The following HPSE2 variants were observed in gnomAD, a reference collection of about 807,000 sequenced individuals.
HPSE2 encodes the protein inactive heparanase-2.
A neutral mutation model predicts 60.5 loss-of-function variants in HPSE2; 38 were observed. That is an observed-to-expected ratio of 0.63 (90% CI 0.48 to 0.82). HPSE2 has a LOEUF of 0.82. HPSE2 is among the 40% of genes least tolerant of loss of function. The pLI is 0.00. For missense variants in HPSE2, 713 were observed against 740.4 expected (o/e 0.96, Z 0.43); for synonymous variants, 295 against 293.2 (o/e 1.01, Z -0.06).
At chr10:98,628,311 A>T (rs1335885698) in intron 7 of HPSE2, among the ~76,000 whole-genome samples, 1 of 152,106 alleles carries the variant, frequency 6.6e-6, no homozygotes. Context: ...GGAGAGAAAA[A>T]AATTAGGAGA....
At chr10:99,171,107 AAT>A (rs142446077) in intron 2 of HPSE2, among the ~76,000 whole-genome samples, 109 of 152,310 alleles carry the variant, frequency 7.2e-4, no homozygotes, top group African/African-American at 2.6e-3. Context: ...CCAAGGGACA[AAT>A]ATAATCATAA....
chr10:98,618,564 G>A (rs1323772706), intron 8 of HPSE2, among the ~76,000 whole-genome samples: 1 of 152,066 alleles, frequency 6.6e-6, no homozygotes, highest in Non-Finnish European at 1.5e-5. Context: ...GAGAGTGGGA[G>A]TGTACTTTTG....
intron 3 of HPSE2, among the ~76,000 whole-genome samples, chr10:98,916,696 G>C (rs1281202230): frequency 6.6e-6 from 1 of 152,160 alleles, no homozygotes; most frequent in Non-Finnish European, 1.5e-5. Context: ...AACAAACTTT[G>C]TTTCTTGATT....
At chr10:99,288,363 T>C in the HPSE2 span, among the ~76,000 whole-genome samples, 3 of 152,284 alleles carry the variant, frequency 2.0e-5, no homozygotes, top group East Asian at 1.9e-4. Flanking sequence ...ATGTACATGA[T>C]ACAAAAGACT....
intron 3 of HPSE2, among the ~76,000 whole-genome samples, chr10:98,913,018 C>T (rs894806342): frequency 3.5e-4 from 54 of 152,166 alleles, no homozygotes; most frequent in African/African-American, 1.2e-3. Flanking sequence ...GCATTGCATG[C>T]CTATACCTAA....
At chr10:98,682,407 A>G (rs1167347366) in intron 6 of HPSE2, among the ~76,000 whole-genome samples, 1 of 152,220 alleles carries the variant, frequency 6.6e-6, no homozygotes, top group African/African-American at 2.4e-5. Context: ...TTATGGCAAT[A>G]TAAGAACAGC....
At chr10:98,505,910 T>C (rs1371478046) in intron 9 of HPSE2, among the ~76,000 whole-genome samples, 2 of 152,292 alleles carry the variant, frequency 1.3e-5, no homozygotes, top group African/African-American at 4.8e-5. Flanking sequence ...CTGTTTTAAT[T>C]ACCATTGTTT....
intron 2 of HPSE2, among the ~76,000 whole-genome samples, chr10:99,153,371 A>G (rs924248002): frequency 1.3e-5 from 2 of 152,208 alleles, no homozygotes; most frequent in Admixed American, 6.5e-5. Flanking sequence ...CTTTGAAGAG[A>G]GCACTGGTTC....
chr10:98,852,153 G>GTA (rs1565210253), intron 3 of HPSE2, among the ~76,000 whole-genome samples: 2 of 131,004 alleles, frequency 1.5e-5, no homozygotes, highest in African/African-American at 6.8e-5. Flanking sequence ...GTGTGTGTGT[G>GTA]TGTGTGTGTG....
chr10:98,986,262 T>C (rs1462048181), intron 3 of HPSE2, among the ~76,000 whole-genome samples: 1 of 151,990 alleles, frequency 6.6e-6, no homozygotes, highest in Admixed American at 6.6e-5. Flanking sequence ...CCTCAGCAAA[T>C]GTAAAAGAAC....
chr10:98,768,564 T>A lies in HPSE2; in HGVS notation c.611-24508A>T, dbSNP rs181543060. Among the ~76,000 whole-genome samples the A allele has an allele frequency of 2.5e-3, 385 of 152,342 alleles. 1 individual carries two copies. The highest frequency in any genetic ancestry group is 4.8e-3 in the Admixed American group (74 of 15,294). ...GATCTTGTAGTTTTCAAGTTTAGCA[T>A]CAGTACCCAGCACAGAGTGGTTACT... is the stretch of plus-strand genomic sequence containing the variant. On this transcript the variant is annotated intron_variant, in intron 3 of 11. Transcript: ENST00000370552.
intron 4 of HPSE2, among the ~76,000 whole-genome samples, chr10:98,742,277 G>A (rs1343556877): frequency 6.6e-6 from 1 of 152,128 alleles, no homozygotes; most frequent in Non-Finnish European, 1.5e-5. Flanking sequence ...AAGAAACTGA[G>A]GGCTACGTTC....
intron 2 of HPSE2, among the ~76,000 whole-genome samples, chr10:99,219,904 T>C (rs575184710): frequency 6.6e-6 from 1 of 152,342 alleles, no homozygotes; most frequent in South Asian, 2.1e-4. Context: ...TGTTGGCTGA[T>C]TAGTATTCAA....
At chr10:98,870,177 A>C (rs111457182) in intron 3 of HPSE2, among the ~76,000 whole-genome samples, 6 of 152,290 alleles carry the variant, frequency 3.9e-5, no homozygotes, top group African/African-American at 1.2e-4. Flanking sequence ...AACTCTAACA[A>C]AATTGAACCC....
chr10:98,903,565 G>C (rs755305009), intron 3 of HPSE2, among the ~76,000 whole-genome samples: 8 of 152,004 alleles, frequency 5.3e-5, no homozygotes, highest in Non-Finnish European at 1.0e-4. Flanking sequence ...CTCGTTTCTT[G>C]CTTCAGTGGC....
At chr10:98,712,503 A>T (rs1393385825) in intron 5 of HPSE2, among the ~76,000 whole-genome samples, 1 of 152,110 alleles carries the variant, frequency 6.6e-6, no homozygotes, top group African/African-American at 2.4e-5. Flanking sequence ...TGAGGAAAAG[A>T]TGGAATCGAT....
chr10:98,626,590 A>G lies in HPSE2; in HGVS notation c.1099-5882T>C, dbSNP rs1236343634. Among the ~76,000 whole-genome samples, 3 of 152,084 alleles carry G rather than the reference A, an allele frequency of 2.0e-5. No individual in the cohort carries two copies. The East Asian group carries it at 5.8e-4, about 29-fold the overall frequency. ...ACCCAAGAAACCTAATGCAGTCTAC[A>G]TATTTGCAGGAGTATCCGGAGAAAA... is the stretch of plus-strand genomic sequence containing the variant. On this transcript the variant is annotated intron_variant, in intron 7 of 11. Coordinates refer to ENST00000370552, the MANE Select transcript of HPSE2 (RefSeq NM_021828.5).
intron 7 of HPSE2, among the ~76,000 whole-genome samples, chr10:98,629,205 A>C (rs1262918022): frequency 6.6e-6 from 1 of 152,246 alleles, no homozygotes; most frequent in Non-Finnish European, 1.5e-5. Context: ...CAGCCCTGGC[A>C]GGAGGCCCAC....
rs201643330 is a variant in HPSE2, at chr10:98,741,196, T to C, written c.784+2687A>G. ...TTCTGACGAGATTCATAATGACCTA[T>C]AGAAATACACATTATTGGCTATTTT... On this transcript the variant is annotated intron_variant, in intron 4 of 11. Coordinates refer to ENST00000370552, the MANE Select transcript of HPSE2 (RefSeq NM_021828.5). Among the ~76,000 whole-genome samples the C allele has an allele frequency of 1.5e-4, 23 of 152,294 alleles. 1 individual carries two copies. Among genetic ancestry groups the C allele is most frequent in the South Asian group, 6.2e-4 (3 of 4,826 alleles).
Sources: allele counts gnomAD v4.1 joint callset (sites outside exome capture counted in the v4.1 genomes callset), GRCh38; gene constraint gnomAD v4.1.1; transcripts MANE v1.5; gene names NCBI Gene and HGNC (gene_info 2026-07-23, HGNC 2026-07-21).